The following AQP4 variants were observed in gnomAD, a reference collection of about 807,000 sequenced individuals.
AQP4 encodes the protein aquaporin-4.
Under a neutral mutation model 27.8 loss-of-function variants are expected in AQP4, and 18 were observed. The observed-to-expected ratio is 0.65, with a 90% CI of 0.45 to 0.96. AQP4 has a LOEUF of 0.96. Among genes scored for constraint, AQP4 ranks in the 40% least tolerant of loss-of-function variants. The pLI is 0.00. For synonymous variants in AQP4, 141 were observed against 142.9 expected, an observed-to-expected ratio of 0.99 and a Z score of 0.10; for missense variants, 412 against 408.2, an observed-to-expected ratio of 1.01 and a Z score of -0.08.
At chr18:26,862,010 A>G in intron 2 of AQP4, 172 bp downstream of exon 2, 2 of 752,234 alleles carry the variant, frequency 2.7e-6, no homozygotes, top group East Asian at 5.3e-5. Context: ...GATTTCTTAC[A>G]GATATACCTA....
intron 4 of AQP4, among the ~76,000 whole-genome samples, chr18:26,859,974 TTGG>T (rs2054911234): frequency 6.6e-6 from 1 of 152,228 alleles, no homozygotes; most frequent in African/African-American, 2.4e-5. Flanking sequence ...AGTTAGCATG[TTGG>T]TGGCCTTCAC....
intron 4 of AQP4, among the ~76,000 whole-genome samples, chr18:26,860,483 T>C (rs1054359930): frequency 6.6e-6 from 1 of 152,220 alleles, no homozygotes; most frequent in Non-Finnish European, 1.5e-5. Flanking sequence ...ATATACAGTG[T>C]ATTCTGCTGC....
intron 4 of AQP4, among the ~76,000 whole-genome samples, chr18:26,859,108 A>G (rs335931): frequency 0.16 from 24,187 of 152,292 alleles, 2,478 homozygotes; most frequent in East Asian, 0.4. Flanking sequence ...GCAACTGACA[A>G]GTAATTAGTA....
At chr18:26,862,818 C>T (rs1332926895) in intron 1 of AQP4, 2 of 618,038 alleles carry the variant, frequency 3.2e-6, no homozygotes, top group African/African-American at 1.8e-5. Context: ...TCCAGTTTCA[C>T]GGAAAATTAT....
Position 26,852,757 on chromosome 18 carries a change from T to A in AQP4, c.*3454A>T. ...AACACTTTAGGAAAGACAGAATTACTTTTAGGTATAAAATGTTCTGAATTT... is the reference window on the plus strand; with the variant it reads ...AACACTTTAGGAAAGACAGAATTACATTTAGGTATAAAATGTTCTGAATTT... On this transcript the variant is annotated 3_prime_UTR_variant, in exon 5 of 5. Coordinates refer to ENST00000383168, the MANE Select transcript of AQP4 (RefSeq NM_001650.7). 2.5e-6 allele frequency: 1 copy of A among 398,424 alleles called. No homozygotes were observed. The highest frequency in any genetic ancestry group is 1.3e-4 in the South Asian group (1 of 7,858). The allele number at this position is 398,424 out of a possible 1,614,324, so 24.7% of individuals were successfully genotyped here.
rs757600248 is a variant in AQP4 at position 26,862,473 on chromosome 18, G to A, written c.156C>T (p.Ser52=). The A allele has an allele frequency of 3.7e-6, 6 of 1,614,198 alleles. No homozygotes were observed. The highest frequency in any genetic ancestry group is 1.3e-5 in the African/African-American group (1 of 75,044). ...CACCCCAGTTGATGGTGGATCCCAG[G>A]CTGAGGAGAACAAAAATAAGCATGG... ...FLAMLIFVLL[S]LGSTINWGGT... Residue 52 remains serine (S), a synonymous_variant, in exon 2 of 5, where the codon AGC becomes AGT. Transcript: ENST00000383168.
chr18:26,861,986 C>G (rs1181662381), intron 2 of AQP4, 196 bp downstream of exon 2: 7 of 686,252 alleles, frequency 1.0e-5, no homozygotes, highest in African/African-American at 1.8e-5. Flanking sequence ...TTAAGGCACT[C>G]AAGAGCAAAC....
chr18:26,857,744 A>G (rs576395614), intron 4 of AQP4, among the ~76,000 whole-genome samples: 3 of 152,220 alleles, frequency 2.0e-5, no homozygotes, highest in African/African-American at 4.8e-5. Context: ...TATTTAACAG[A>G]CGCACTTGGG....
chr18:26,856,181 G>T lies in AQP4; in HGVS notation c.*30C>A. 6.2e-7 allele frequency: 1 copy of T among 1,613,356 alleles called. No homozygotes were observed. The highest frequency in any genetic ancestry group is 1.1e-5 in the South Asian group (1 of 91,052). On this transcript the variant is annotated 3_prime_UTR_variant, in exon 5 of 5. Transcript: ENST00000383168. ...GGAAATCTGAGGACAGTTCTAAGGA[G>T]TCTTGTCTGCTTTCAGTGCGATCTT...
intron 1 of AQP4, among the ~76,000 whole-genome samples, chr18:26,864,112 T>C (rs915728139): frequency 2.0e-5 from 3 of 152,176 alleles, no homozygotes; most frequent in African/African-American, 7.2e-5. Context: ...AGAATCTAAT[T>C]GCAGAGGACC....
intron 3 of AQP4, 124 bp downstream of exon 3, chr18:26,861,007 C>T: frequency 2.1e-6 from 3 of 1,418,892 alleles, no homozygotes; most frequent in Middle Eastern, 1.8e-4. Flanking sequence ...AAAATTATAA[C>T]CTAAAATGGA....
intron 4 of AQP4, among the ~76,000 whole-genome samples, chr18:26,860,267 T>A (rs1218156483): frequency 6.6e-6 from 1 of 152,228 alleles, no homozygotes; most frequent in Non-Finnish European, 1.5e-5. Context: ...TACTTGCAAC[T>A]TACATACTAT....
rs777022912 is a variant in AQP4 at position 26,856,201 on chromosome 18, G to T, written c.*10C>A. The T allele has an allele frequency of 6.2e-7, 1 of 1,614,080 alleles. No homozygotes were observed. The highest frequency in any genetic ancestry group is 8.5e-7 in the Non-Finnish European group (1 of 1,180,006). On this transcript the variant is annotated 3_prime_UTR_variant, in exon 5 of 5. Transcript: ENST00000383168. ...AAGGAGTCTTGTCTGCTTTCAGTGC[G>T]ATCTTCTAGTCATACTGAAGACAAT...
chr18:26,862,997 G>T (rs1021996641), intron 1 of AQP4: 4 of 51,578 alleles, frequency 7.8e-5, no homozygotes, highest in Admixed American at 5.6e-4. Context: ...AGGTGTGCGT[G>T]GGGGGGGGGG....
At chr18:26,860,751 A>T (rs765196512) in intron 4 of AQP4, 21 bp downstream of exon 4, 28 of 1,595,088 alleles carry the variant, frequency 1.8e-5, no homozygotes, top group Non-Finnish European at 2.4e-5. Flanking sequence ...GGAAGATGGG[A>T]ACTATCAATA....
At chr18:26,863,529 T>C (rs2054998482) in intron 1 of AQP4, among the ~76,000 whole-genome samples, 1 of 151,850 alleles carries the variant, frequency 6.6e-6, no homozygotes, top group Non-Finnish European at 1.5e-5. Context: ...GGGGGATGCT[T>C]TTAGGGGAGG....
chr18:26,858,644 G>A (rs1473309496), intron 4 of AQP4, among the ~76,000 whole-genome samples: 2 of 152,116 alleles, frequency 1.3e-5, no homozygotes, highest in African/African-American at 2.4e-5. Context: ...TTGTTAGTAA[G>A]GTCTCATTAG....
At chr18:26,862,707 C>T (rs991118237) in intron 1 of AQP4, 111 bp from the exon 2 acceptor site, 21 of 1,420,590 alleles carry the variant, frequency 1.5e-5, no homozygotes, top group Admixed American at 5.1e-5. Context: ...GGCTGCCAGG[C>T]GTGATTTGCA....
chr18:26,852,958 T>C lies in AQP4; in HGVS notation c.*3253A>G, dbSNP rs560151529. 5.0e-6 allele frequency: 2 copies of C among 398,390 alleles called. No individual in the cohort carries two copies. Among genetic ancestry groups the C allele is most frequent in the South Asian group, 2.5e-4 (2 of 7,856 alleles). 24.7% of individuals were successfully genotyped at this position (398,390 alleles called of 1,614,324 possible). On this transcript the variant is annotated 3_prime_UTR_variant, in exon 5 of 5. Coordinates refer to ENST00000383168, the MANE Select transcript of AQP4 (RefSeq NM_001650.7). Reference sequence around the variant, plus strand: ...ATCAGAGGCCTTCTAGGATTCATCTTACCATTTGAATTTACTGCTCTAGTT... The same window carrying C: ...ATCAGAGGCCTTCTAGGATTCATCTCACCATTTGAATTTACTGCTCTAGTT...
Sources: gnomAD v4.1 joint callset for allele counts (sites outside exome capture counted in the v4.1 genomes callset) on GRCh38, gnomAD v4.1.1 for gene constraint, MANE v1.5 for transcripts, NCBI Gene and HGNC (gene_info 2026-07-23, HGNC 2026-07-21) for gene names.